The following TMEM144 variants were observed in gnomAD, a reference collection of about 807,000 sequenced individuals.
TMEM144 encodes transmembrane protein 144.
A neutral mutation model predicts 43.6 loss-of-function variants in TMEM144; 39 were observed. The observed-to-expected ratio is 0.90, with a 90% confidence interval of 0.69 to 1.17. The LOEUF (loss-of-function observed/expected upper bound fraction) is 1.17. TMEM144 is among the 50% of genes most tolerant of loss of function. TMEM144 has a pLI of 0.00. For missense variants in TMEM144, 417 were observed against 411.9 expected, an observed-to-expected ratio of 1.01 and a Z score of -0.11; for synonymous variants, 154 against 133.6, an observed-to-expected ratio of 1.15 and a Z score of -1.06.
chr4:158,244,094 C>T (rs1255587644), intron 11 of TMEM144, among the ~76,000 whole-genome samples: 1 of 151,736 alleles, frequency 6.6e-6, no homozygotes, highest in African/African-American at 2.4e-5. Context: ...AAATGAAGAC[C>T]ATGAAGAAAA....
intron 6 of TMEM144, among the ~76,000 whole-genome samples, chr4:158,221,358 T>C (rs1190689370): frequency 6.6e-6 from 1 of 152,124 alleles, no homozygotes; most frequent in Non-Finnish European, 1.5e-5. Flanking sequence ...CAAAACATAA[T>C]GTCTTCTCCC....
chr4:158,218,191 G>A (rs953234141), intron 5 of TMEM144, among the ~76,000 whole-genome samples: 8 of 151,928 alleles, frequency 5.3e-5, no homozygotes, highest in Non-Finnish European at 1.2e-4. Flanking sequence ...CAGTTTTTTG[G>A]TTGCACTAGC....
At chr4:158,238,534 C>G (rs1480393717) in intron 9 of TMEM144, among the ~76,000 whole-genome samples, 2 of 151,228 alleles carry the variant, frequency 1.3e-5, no homozygotes, top group African/African-American at 2.4e-5. Context: ...TGCATTTTTA[C>G]AAAAAGATAG....
At position 158,227,338 on chromosome 4, in the gene TMEM144, G is replaced by A. The variant is rs532904238; in HGVS notation, c.414-5563G>A. 3.9e-5 allele frequency among the ~76,000 whole-genome samples: 6 copies of A among 152,106 alleles called. No homozygotes were observed. In the East Asian group the frequency reaches 1.2e-3, roughly 29 times the overall value. On this transcript the variant is annotated intron_variant, in intron 6 of 12. Transcript: ENST00000296529. Reference sequence around the variant, plus strand: ...GACTGAATGCATTTGGGCCATCCACGGGTTACTGGGTTAAGGATTTTTGAT... The same window carrying A: ...GACTGAATGCATTTGGGCCATCCACAGGTTACTGGGTTAAGGATTTTTGAT...
intron 12 of TMEM144, among the ~76,000 whole-genome samples, chr4:158,245,613 G>T (rs1025170758): frequency 2.0e-5 from 3 of 151,970 alleles, no homozygotes; most frequent in African/African-American, 7.3e-5. Context: ...GGGGGTGAGG[G>T]TCATATAACC....
chr4:158,237,806 AT>A (rs577176232), intron 9 of TMEM144, among the ~76,000 whole-genome samples, 163 bp downstream of exon 9: 1 of 152,312 alleles, frequency 6.6e-6, no homozygotes, highest in South Asian at 2.1e-4. Context: ...AGGATTGAGC[AT>A]TTTCATATGA....
At chr4:158,225,985 C>A (rs184878900) in intron 6 of TMEM144, among the ~76,000 whole-genome samples, 1 of 152,214 alleles carries the variant, frequency 6.6e-6, no homozygotes, top group East Asian at 1.9e-4. Context: ...TATGCCTGGT[C>A]GACTGGAGGA....
At chr4:158,235,781 A>C (rs2111134330) in intron 8 of TMEM144, 1 of 297,462 alleles carries the variant, frequency 3.4e-6, no homozygotes, top group South Asian at 7.0e-5. Context: ...TGACTTGTGT[A>C]GCTAAAGTAA....
chr4:158,251,814 C>G (rs1453023363), intron 12 of TMEM144, among the ~76,000 whole-genome samples: 1 of 152,124 alleles, frequency 6.6e-6, no homozygotes, highest in Admixed American at 6.5e-5. Flanking sequence ...GAACCCCAAC[C>G]CCCTTGTATG....
chr4:158,252,679 A>G (rs1196090153), intron 12 of TMEM144, among the ~76,000 whole-genome samples: 1 of 151,898 alleles, frequency 6.6e-6, no homozygotes, highest in East Asian at 1.9e-4. Context: ...TTGGTGATGC[A>G]TGCCTGTAAT....
chr4:158,253,267 G>T (rs539830274), intron 12 of TMEM144, among the ~76,000 whole-genome samples, 177 bp from the exon 13 acceptor site: 1 of 152,176 alleles, frequency 6.6e-6, no homozygotes, highest in Non-Finnish European at 1.5e-5. Context: ...TACGGAATGG[G>T]TGAATTCATA....
intron 11 of TMEM144, among the ~76,000 whole-genome samples, chr4:158,243,064 T>C (rs1016973234): frequency 1.3e-5 from 2 of 152,236 alleles, no homozygotes; most frequent in Non-Finnish European, 2.9e-5. Context: ...AGGTCAATGA[T>C]ACCTTGTGGT....
At chr4:158,235,705 T>G in intron 8 of TMEM144, 200 bp downstream of exon 8, 1 of 448,154 alleles carries the variant, frequency 2.2e-6, no homozygotes, top group East Asian at 3.2e-5. Flanking sequence ...CTGCTTTGAG[T>G]AATTACTAAA....
At chr4:158,223,108 T>A (rs906789409) in intron 6 of TMEM144, among the ~76,000 whole-genome samples, 5 of 152,386 alleles carry the variant, frequency 3.3e-5, no homozygotes, top group African/African-American at 1.2e-4. Context: ...GATTTACCTA[T>A]TCTTATGACT....
At position 158,255,259 on chromosome 4, in the gene TMEM144, A is replaced by G. The variant is rs1414184228; in HGVS notation, c.*1732A>G. 1 of 151,934 alleles carries G rather than the reference A, an allele frequency of 6.6e-6. No individual in the cohort carries two copies. Among genetic ancestry groups the G allele is most frequent in the East Asian group, 1.9e-4 (1 of 5,188 alleles). 9.4% of individuals were successfully genotyped at this position (151,934 alleles called of 1,614,324 possible). A position where few individuals can be genotyped will look rare whatever the true frequency, so the allele number is the denominator to read the frequency against. The stretch of plus-strand genomic sequence containing the variant: ...AAATGTCATTAAATTATGCTGATAA[A>G]CTTTGAATAAATTGTGATACAAAAG... On this transcript the variant is annotated 3_prime_UTR_variant, in exon 13 of 13. Coordinates refer to ENST00000296529, the MANE Select transcript of TMEM144 (RefSeq NM_018342.5).
chr4:158,254,969 G>C lies in TMEM144; in HGVS notation c.*1442G>C, dbSNP rs967418131. 2.6e-5 allele frequency: 4 copies of C among 152,152 alleles called. No individual in the cohort carries two copies. Among genetic ancestry groups the C allele is most frequent in the Non-Finnish European group, 5.9e-5 (4 of 68,038 alleles). The allele number at this position is 152,152 out of a possible 1,614,324, so 9.4% of individuals were successfully genotyped here. ...GTTGAAATTAGTTCAAATCTGTAAA[G>C]TATGTTGATGAGTATCTGGTACTTG... On this transcript the variant is annotated 3_prime_UTR_variant, in exon 13 of 13. Transcript: ENST00000296529.
intron 8 of TMEM144, among the ~76,000 whole-genome samples, chr4:158,236,112 A>C (rs1485461338): frequency 1.3e-5 from 2 of 152,112 alleles, no homozygotes; most frequent in Non-Finnish European, 2.9e-5. Context: ...ACTAGTATAT[A>C]GTTTGCATTT....
At chr4:158,230,267 A>G (rs1050130416) in intron 6 of TMEM144, among the ~76,000 whole-genome samples, 1 of 152,208 alleles carries the variant, frequency 6.6e-6, no homozygotes, top group African/African-American at 2.4e-5. Context: ...GTGGGCCACT[A>G]GACCACACTG....
At chr4:158,235,142 A>G (rs952875995) in intron 7 of TMEM144, 2 of 261,828 alleles carry the variant, frequency 7.6e-6, no homozygotes, top group Non-Finnish European at 1.5e-5. Flanking sequence ...CCATTAAAAT[A>G]TGCAAATGAA....
Sources: allele counts gnomAD v4.1 joint callset (sites outside exome capture counted in the v4.1 genomes callset), GRCh38; gene constraint gnomAD v4.1.1; transcripts MANE v1.5; gene names NCBI Gene and HGNC (gene_info 2026-07-23, HGNC 2026-07-21).